Variants in UGT1A5 observed in about 807,000 individuals in gnomAD.
UGT1A5 encodes UDP glucuronosyltransferase family 1 member A5, also known as UDP-glucuronosyltransferase 1A5.
A neutral mutation model predicts 40.3 loss-of-function variants in UGT1A5; 29 were observed. The ratio of observed to expected loss-of-function variants is 0.72; its 90% CI spans 0.54 to 0.98. The LOEUF is 0.98. Among genes scored for constraint, UGT1A5 ranks in the 50% least tolerant of loss-of-function variants. The probability of loss-of-function intolerance (pLI) is 0.00; values close to 1 mark genes in which losing one functional copy is unlikely to be tolerated. For missense variants in UGT1A5, 678 were observed against 677.9 expected (o/e 1.00, Z 0.00); for synonymous variants, 257 against 262.5 (o/e 0.98, Z 0.20).
At chr2:233,729,370 A>G (rs1463056784) in intron 1 of UGT1A5, 15 of 1,613,960 alleles carry the variant, frequency 9.3e-6, no homozygotes, top group Non-Finnish European at 1.2e-5. Flanking sequence ...AACCTATGCC[A>G]TTTCGTGGAC....
chr2:233,763,841 T>C (rs1452550547), intron 1 of UGT1A5, among the ~76,000 whole-genome samples: 1 of 152,178 alleles, frequency 6.6e-6, no homozygotes, highest in Admixed American at 6.5e-5. Context: ...CAGGGTAAGA[T>C]AGCAGTGGTT....
chr2:233,716,067 T>C (rs1328183312), intron 1 of UGT1A5, among the ~76,000 whole-genome samples: 2 of 152,250 alleles, frequency 1.3e-5, no homozygotes, highest in Non-Finnish European at 2.9e-5. Flanking sequence ...AGTTGTATTC[T>C]TTCCACTGAG....
intron 1 of UGT1A5, chr2:233,719,387 T>C (rs770901552): frequency 8.1e-6 from 13 of 1,613,966 alleles, no homozygotes; most frequent in African/African-American, 1.3e-5. Flanking sequence ...AGTGTCCAAA[T>C]CCTTCCTCCT....
chr2:233,761,750 G>A (rs1428006312), intron 1 of UGT1A5, among the ~76,000 whole-genome samples: 1 of 152,244 alleles, frequency 6.6e-6, no homozygotes, highest in Non-Finnish European at 1.5e-5. Context: ...AGAGTTTGAA[G>A]TATGCAAAAA....
At position 233,767,154 on chromosome 2, in the gene UGT1A5, A is replaced by C. The variant is rs1339405023; in HGVS notation, c.988A>C (p.Ile330Leu). ...AMAIADALGK[I>L]PQTVLWRYTG... Reference sequence around the variant, plus strand: ...GGCAATTGCTGATGCTTTGGGCAAAATCCCTCAGACAGTAAGAAGATTCTA... The same window carrying C: ...GGCAATTGCTGATGCTTTGGGCAAACTCCCTCAGACAGTAAGAAGATTCTA... Residue 330 changes from isoleucine (I) to leucine (L), a missense_variant, in exon 2 of 5, where the codon ATC (isoleucine) becomes CTC (leucine). Physicochemically the swap from Ile to Leu is conservative, Grantham distance 5 (BLOSUM62 2). Transcript: ENST00000373414. 1.9e-5 allele frequency: 31 copies of C among 1,614,082 alleles called. No homozygotes were observed. The highest frequency in any genetic ancestry group is 2.6e-5 in the Non-Finnish European group (31 of 1,180,002).
At chr2:233,738,244 T>C (rs1690738157) in intron 1 of UGT1A5, among the ~76,000 whole-genome samples, 1 of 152,224 alleles carries the variant, frequency 6.6e-6, no homozygotes, top group Non-Finnish European at 1.5e-5. Context: ...TCCAGCCACA[T>C]GGAACTGGAG....
intron 1 of UGT1A5, among the ~76,000 whole-genome samples, chr2:233,715,799 G>A (rs2076471027): frequency 6.6e-6 from 1 of 152,116 alleles, no homozygotes; most frequent in African/African-American, 2.4e-5. Context: ...TTTGGAATGT[G>A]AAAATCTTGT....
At chr2:233,755,027 C>T (rs759197919) in intron 1 of UGT1A5, 2 of 1,309,218 alleles carry the variant, frequency 1.5e-6, no homozygotes, top group African/African-American at 3.0e-5. Flanking sequence ...CCTTGAAGGG[C>T]CTGCCGCCTG....
intron 1 of UGT1A5, among the ~76,000 whole-genome samples, chr2:233,759,519 G>A (rs757989605): frequency 9.9e-5 from 15 of 152,084 alleles, no homozygotes; most frequent in Non-Finnish European, 2.2e-4. Context: ...GCCTGTCCTT[G>A]GGGAAGACTT....
At chr2:233,715,316 T>C (rs2076444924) in intron 1 of UGT1A5, among the ~76,000 whole-genome samples, 1 of 152,236 alleles carries the variant, frequency 6.6e-6, no homozygotes, top group Non-Finnish European at 1.5e-5. Flanking sequence ...TTTTGCTTTA[T>C]ACATAGTGAT....
chr2:233,762,314 C>T (rs548976022), intron 1 of UGT1A5, among the ~76,000 whole-genome samples: 27 of 152,272 alleles, frequency 1.8e-4, no homozygotes, highest in African/African-American at 5.3e-4. Context: ...GTTAATGGGT[C>T]GAGAGTAATC....
intron 1 of UGT1A5, among the ~76,000 whole-genome samples, chr2:233,757,479 A>G (rs1206962025): frequency 6.1e-5 from 9 of 148,148 alleles, no homozygotes; most frequent in African/African-American, 1.5e-4. Context: ...CTCCAAAACC[A>G]TGGACTGGCA....
intron 1 of UGT1A5, among the ~76,000 whole-genome samples, chr2:233,738,130 C>T (rs1187217692): frequency 6.6e-6 from 1 of 152,186 alleles, no homozygotes; most frequent in Admixed American, 6.5e-5. Flanking sequence ...ATAAGGGGCC[C>T]TTATCCCTTC....
chr2:233,755,200 G>A (rs1575733621), intron 1 of UGT1A5: 14 of 1,105,580 alleles, frequency 1.3e-5, no homozygotes, highest in South Asian at 8.5e-5. Flanking sequence ...GCCAGCTTGC[G>A]GTACGCCTTC....
chr2:233,725,035 A>C lies in UGT1A5; in HGVS notation c.867+11177A>C, dbSNP rs1161342472. 1.1e-4 allele frequency among the ~76,000 whole-genome samples: 17 copies of C among 148,286 alleles called. 1 individual carries two copies. The highest frequency in any genetic ancestry group is 4.0e-4 in the African/African-American group (16 of 39,830). On this transcript the variant is annotated intron_variant, in intron 1 of 4. Transcript: ENST00000373414. ...AAACAGCAAAACCCGGTCTCCACCA[A>C]AACCAGTCAGGCGTGGCGGCGCGCG... is the stretch of plus-strand genomic sequence containing the variant.
In UGT1A5 at chr2:233,768,392, T is replaced by G. The variant is rs761552961; in HGVS notation, c.1260T>G (p.Thr420=). The G allele has an allele frequency of 1.2e-6, 2 of 1,614,156 alleles. No homozygotes were observed. Among genetic ancestry groups the G allele is most frequent in the Non-Finnish European group, 1.7e-6 (2 of 1,180,042 alleles). Residue 420 remains threonine, a synonymous_variant, in exon 4 of 5, where the codon ACT becomes ACG. Coordinates refer to ENST00000373414, the MANE Select transcript of UGT1A5 (RefSeq NM_019078.2). Reference sequence around the variant, plus strand: ...TGACCCTGAATGTTCTGGAAATGACTTCTGAAGATTTAGAAAATGCTCTAA... The same window carrying G: ...TGACCCTGAATGTTCTGGAAATGACGTCTGAAGATTTAGAAAATGCTCTAA... ...AGVTLNVLEM[T]SEDLENALKA...
chr2:233,763,933 G>A (rs1374530707), intron 1 of UGT1A5, among the ~76,000 whole-genome samples: 1 of 152,232 alleles, frequency 6.6e-6, no homozygotes, highest in African/African-American at 2.4e-5. Context: ...ATGGCCAGGA[G>A]AGGAAAGCTT....
At chr2:233,718,660 T>C (rs2076672859) in intron 1 of UGT1A5, 2 of 1,533,748 alleles carry the variant, frequency 1.3e-6, no homozygotes, top group Admixed American at 3.9e-5. Flanking sequence ...GAAAGGCAGT[T>C]ATAGATTAAT....
intron 1 of UGT1A5, among the ~76,000 whole-genome samples, chr2:233,723,457 G>T (rs1279798549): frequency 7.3e-6 from 1 of 136,216 alleles, no homozygotes; most frequent in African/African-American, 2.9e-5. Flanking sequence ...TGATCCACCC[G>T]CCTCAGCCTC....
Sources: gnomAD v4.1 joint callset for allele counts (sites outside exome capture counted in the v4.1 genomes callset) on GRCh38, gnomAD v4.1.1 for gene constraint, MANE v1.5 for transcripts, NCBI Gene and HGNC (gene_info 2026-07-23, HGNC 2026-07-21) for gene names.